The following PDE4D variants were observed in gnomAD, a reference collection of about 807,000 sequenced individuals.
PDE4D encodes 3',5'-cyclic-AMP phosphodiesterase 4D.
In PDE4D, 24 loss-of-function variants were observed where a neutral mutation model predicts 87.4. That is an observed-to-expected ratio of 0.27 (90% CI 0.20 to 0.39). The LOEUF (loss-of-function observed/expected upper bound fraction) is 0.39, where lower values mean the gene tolerates loss of function less well. Among genes scored for constraint, PDE4D ranks in the 10% least tolerant of loss-of-function variants. PDE4D has a pLI of 1.00. For synonymous variants in PDE4D, 384 were observed against 383.2 expected, an observed-to-expected ratio of 1.00 and a Z score of -0.02; for missense variants, 714 against 1,041.0, an observed-to-expected ratio of 0.69 and a Z score of 4.32.
intron 2 of PDE4D, among the ~76,000 whole-genome samples, chr5:60,050,091 A>G (rs1488116231): frequency 6.6e-6 from 1 of 152,222 alleles, no homozygotes. Context: ...AGGCCGTCAG[A>G]AAAGCGCAGT....
At chr5:59,225,667 T>G (rs552485488) in intron 1 of PDE4D, among the ~76,000 whole-genome samples, 41 of 147,824 alleles carry the variant, frequency 2.8e-4, no homozygotes, top group Non-Finnish European at 4.3e-4. Flanking sequence ...CAAAATAAAA[T>G]GTTTCTGCAC....
chr5:59,520,854 T>A (rs980784335), intron 1 of PDE4D, among the ~76,000 whole-genome samples: 1 of 150,894 alleles, frequency 6.6e-6, no homozygotes, highest in African/African-American at 2.5e-5. Flanking sequence ...GGAATATGTA[T>A]ATGCACACAT....
At chr5:59,537,854 T>G (rs941263824) in intron 1 of PDE4D, among the ~76,000 whole-genome samples, 19 of 152,186 alleles carry the variant, frequency 1.2e-4, no homozygotes, top group African/African-American at 4.3e-4. Flanking sequence ...AAATGGGAAC[T>G]CTTATTTTAT....
intron 1 of PDE4D, among the ~76,000 whole-genome samples, chr5:59,319,695 A>T (rs192571505): frequency 1.1e-4 from 16 of 152,278 alleles, no homozygotes; most frequent in South Asian, 4.1e-4. Context: ...TGATATAGTT[A>T]TGTCTTTTGG....
chr5:59,951,298 T>C (rs903470854), intron 3 of PDE4D, among the ~76,000 whole-genome samples: 3 of 152,186 alleles, frequency 2.0e-5, no homozygotes, highest in Non-Finnish European at 2.9e-5. Flanking sequence ...TGAATTTTTT[T>C]CCCCAAACAC....
intron 2 of PDE4D, among the ~76,000 whole-genome samples, chr5:60,104,731 C>T (rs1470860959): frequency 1.3e-5 from 2 of 152,212 alleles, no homozygotes; most frequent in East Asian, 1.9e-4. Flanking sequence ...GCAGACACCG[C>T]TACTGATACC....
intron 1 of PDE4D, among the ~76,000 whole-genome samples, chr5:60,393,638 C>T (rs546544500): frequency 1.4e-4 from 21 of 152,296 alleles, no homozygotes; most frequent in Middle Eastern, 3.4e-3. Flanking sequence ...TCAAATTCAA[C>T]AACCAATTCC....
chr5:59,517,412 C>T (rs924164001), intron 1 of PDE4D, among the ~76,000 whole-genome samples: 1 of 152,136 alleles, frequency 6.6e-6, no homozygotes, highest in African/African-American at 2.4e-5. Flanking sequence ...AGATCAAATG[C>T]CTACTTTTAC....
intron 1 of PDE4D, among the ~76,000 whole-genome samples, chr5:60,458,811 A>G (rs1236029257): frequency 6.6e-6 from 1 of 151,972 alleles, no homozygotes; most frequent in East Asian, 2.0e-4. Flanking sequence ...TCAATATGCC[A>G]CCTCTGAAAA....
At chr5:60,352,776 A>G (rs990090747) in intron 1 of PDE4D, among the ~76,000 whole-genome samples, 1 of 152,214 alleles carries the variant, frequency 6.6e-6, no homozygotes, top group African/African-American at 2.4e-5. Flanking sequence ...TCACCAGTGT[A>G]ACTCATTGAT....
At chr5:59,577,993 T>C (rs1044268217) in intron 1 of PDE4D, among the ~76,000 whole-genome samples, 2 of 152,172 alleles carry the variant, frequency 1.3e-5, no homozygotes, top group Non-Finnish European at 2.9e-5. Flanking sequence ...TCTCAGAGAC[T>C]GGTGACACTT....
chr5:58,989,961 G>A (rs762755932), intron 9 of PDE4D, 42 bp from the exon 10 acceptor site: 6 of 1,249,048 alleles, frequency 4.8e-6, no homozygotes, highest in Non-Finnish European at 6.7e-6. Context: ...GTCTTTATGT[G>A]AAAAATTTCT....
intron 5 of PDE4D, among the ~76,000 whole-genome samples, chr5:59,144,738 G>A (rs769943311): frequency 1.3e-5 from 2 of 152,100 alleles, no homozygotes; most frequent in South Asian, 2.1e-4. Flanking sequence ...TAAAAAGTAC[G>A]GATTTAATAT....
intron 1 of PDE4D, among the ~76,000 whole-genome samples, chr5:60,482,088 G>A (rs1376102393): frequency 1.3e-5 from 2 of 152,124 alleles, no homozygotes; most frequent in Non-Finnish European, 2.9e-5. Context: ...AATTCCCAAT[G>A]TGTTGGTGCT....
At chr5:58,990,259 A>G (rs1010073426) in intron 9 of PDE4D, among the ~76,000 whole-genome samples, 13 of 152,144 alleles carry the variant, frequency 8.5e-5, no homozygotes, top group Non-Finnish European at 1.6e-4. Context: ...CATCACACCA[A>G]CTAAAAATCA....
intron 1 of PDE4D, among the ~76,000 whole-genome samples, chr5:59,302,610 T>C (rs191523323): frequency 6.6e-6 from 1 of 152,054 alleles, no homozygotes; most frequent in African/African-American, 2.4e-5. Context: ...ATCCCACATA[T>C]CAGTGAGAAC....
intron 2 of PDE4D, among the ~76,000 whole-genome samples, chr5:60,024,488 A>G (rs1426237628): frequency 6.6e-6 from 1 of 152,228 alleles, no homozygotes; most frequent in Non-Finnish European, 1.5e-5. Flanking sequence ...AGGTGGTCAC[A>G]AGCAGTTATG....
intron 1 of PDE4D, among the ~76,000 whole-genome samples, chr5:59,728,695 T>C (rs892694901): frequency 1.3e-5 from 2 of 152,112 alleles, no homozygotes; most frequent in Non-Finnish European, 2.9e-5. Flanking sequence ...TGGCACAATA[T>C]AGTACATAAA....
chr5:60,372,001 TATAGGATATTAC>T (rs1761068258), intron 1 of PDE4D, among the ~76,000 whole-genome samples: 1 of 152,178 alleles, frequency 6.6e-6, no homozygotes, highest in South Asian at 2.1e-4. Context: ...ATTGCTAGGC[TATAGGATATTAC>T]ATAGGTTCAG....
Sources: allele counts gnomAD v4.1 joint callset (sites outside exome capture counted in the v4.1 genomes callset), GRCh38; gene constraint gnomAD v4.1.1; transcripts MANE v1.5; gene names NCBI Gene and HGNC (gene_info 2026-07-23, HGNC 2026-07-21).